The following SYNE2 variants were observed in gnomAD, a reference collection of about 807,000 sequenced individuals.
SYNE2 encodes nesprin-2.
In SYNE2, 431 loss-of-function variants were observed where a neutral mutation model predicts 856.3. That is an observed-to-expected ratio of 0.50 (90% confidence interval 0.47 to 0.55). SYNE2 has a LOEUF of 0.55. SYNE2 is among the 20% of genes least tolerant of loss of function. The pLI, the probability that SYNE2 is intolerant of heterozygous loss-of-function variation, is 0.00. For missense variants in SYNE2, 8,129 were observed against 8,023.2 expected (o/e 1.01, Z -0.50); for synonymous variants, 2,923 against 2,872.3 (o/e 1.02, Z -0.56).
At chr14:64,014,915 T>C (rs1263688761) in intron 32 of SYNE2, among the ~76,000 whole-genome samples, 1 of 135,662 alleles carries the variant, frequency 7.4e-6, no homozygotes. Flanking sequence ...TATTTGGTCA[T>C]GGTGTATAAT....
intron 64 of SYNE2, among the ~76,000 whole-genome samples, chr14:64,106,049 CAAA>C (rs549854082): frequency 7.6e-5 from 7 of 92,278 alleles, no homozygotes; most frequent in Admixed American, 1.3e-4. Flanking sequence ...GGCCCTGTCT[CAAA>C]AAAAAAAAAA....
intron 49 of SYNE2, among the ~76,000 whole-genome samples, chr14:64,060,696 T>C (rs1190145470): frequency 1.3e-5 from 2 of 152,048 alleles, no homozygotes; most frequent in Non-Finnish European, 2.9e-5. Flanking sequence ...CTGGCTCTGA[T>C]TGTAGCACAG....
At chr14:63,909,650 T>C (rs2095449173) in intron 2 of SYNE2, among the ~76,000 whole-genome samples, 1 of 152,188 alleles carries the variant, frequency 6.6e-6, no homozygotes, top group African/African-American at 2.4e-5. Flanking sequence ...GAGACCAGCC[T>C]GACCAACATG....
Position 64,210,061 on chromosome 14 carries a change from C to G in SYNE2, c.18660C>G (p.His6220Gln). 6.2e-7 allele frequency: 1 copy of G among 1,614,108 alleles called. No individual in the cohort carries two copies. Among genetic ancestry groups the G allele is most frequent in the Non-Finnish European group, 8.5e-7 (1 of 1,180,038 alleles). Reference sequence around the variant, plus strand: ...CCAGCAGGCTGAAGCAGATGGTCCACGAGGGCAACCAGCGCTGGGACAACC... The same window carrying G: ...CCAGCAGGCTGAAGCAGATGGTCCAGGAGGGCAACCAGCGCTGGGACAACC... ...DTASRLKQMV[H>Q]EGNQRWDNLQ... The change falls in exon 103 of 116, where the codon CAC (histidine) becomes CAG (glutamine). Residue 6220 changes from histidine to glutamine, a missense_variant. By Grantham distance (24) the His-to-Gln change is conservative. Transcript: ENST00000555002.
chr14:64,084,387 G>T (rs1483380247), intron 57 of SYNE2: 1 of 152,302 alleles, frequency 6.6e-6, no homozygotes, highest in Non-Finnish European at 1.5e-5. Context: ...GTTTCCTCCT[G>T]CCTCTTTGCA....
At position 63,998,993 on chromosome 14, in the gene SYNE2, G is replaced by A. The variant is rs370812332; in HGVS notation, c.3433G>A (p.Glu1145Lys). The A allele has an allele frequency of 6.2e-7, 1 of 1,614,068 alleles. No homozygotes were observed. Among genetic ancestry groups the A allele is most frequent in the Non-Finnish European group, 8.5e-7 (1 of 1,179,916 alleles). Residue 1145 changes from glutamate (E) to lysine (K), a missense_variant, in exon 27 of 116, where the codon GAG (glutamate) becomes AAG (lysine). Physicochemically the swap from Glu to Lys is moderately conservative, Grantham distance 56 (BLOSUM62 1). Around this residue, in one of 3 missense-constraint regions of SYNE2, gnomAD observed 2,422 missense variants for 2,357.4 expected, o/e 1.03. Coordinates refer to ENST00000555002, the MANE Select transcript of SYNE2 (RefSeq NM_182914.3). ...FRITSDFSSE[E>K]DRSSSCLQAK... is the part of the protein sequence containing the mutation. ...GATTACTTCTGATTTCTCTAGTGAA[G>A]AGGACAGGAGTAGTTCTTGTCTGCA...
chr14:64,175,168 G>A (rs1046241009), intron 95 of SYNE2, 30 bp downstream of exon 95: 43 of 1,611,588 alleles, frequency 2.7e-5, no homozygotes, highest in Non-Finnish European at 3.6e-5. Flanking sequence ...TTCCATTCAT[G>A]ATATTCAAAT....
At chr14:63,940,070 A>ATTTTTTTTTT (rs10666086) in intron 2 of SYNE2, among the ~76,000 whole-genome samples, 5 of 129,400 alleles carry the variant, frequency 3.9e-5, no homozygotes, top group Non-Finnish European at 3.2e-5. Flanking sequence ...GTCTCAGTTC[A>ATTTTTTTTTT]TTTTTTTTTT....
chr14:64,035,512 T>G (rs2097080030), intron 45 of SYNE2, among the ~76,000 whole-genome samples: 1 of 107,614 alleles, frequency 9.3e-6, no homozygotes, highest in Admixed American at 1.3e-4. Flanking sequence ...ACTTACATGG[T>G]ACATTTTTTT....
Position 64,126,730 on chromosome 14 carries a change from C to G in SYNE2, c.13840C>G (p.Leu4614Val), listed in dbSNP as rs752726984. Residue 4614 changes from leucine (L) to valine (V), a missense_variant, in exon 73 of 116, where the codon CTG becomes GTG. By Grantham distance (32) the Leu-to-Val change is conservative. Around this residue, in one of 3 missense-constraint regions of SYNE2, gnomAD observed 5,410 missense variants for 5,284.8 expected, o/e 1.02. Transcript: ENST00000555002. Reference sequence around the variant, plus strand: ...ATGTTTTGACAACCTTCAAGTCTGCCTGGAGCACACTCAGGCTGCAGCTGT... The same window carrying G: ...ATGTTTTGACAACCTTCAAGTCTGCGTGGAGCACACTCAGGCTGCAGCTGT... ...LECFDNLQVC[L>V]EHTQAAAVCR... 2.0e-5 allele frequency: 32 copies of G among 1,614,058 alleles called. No individual in the cohort carries two copies. The highest frequency in any genetic ancestry group is 2.5e-5 in the Non-Finnish European group (30 of 1,180,034).
rs1414296247 is a variant in SYNE2, at chr14:63,929,990, T to A, written c.80-10624T>A. On this transcript the variant is annotated intron_variant, in intron 2 of 115. Transcript: ENST00000555002. ...CATGATTATGGTTTGGATTTTAAAA[T>A]ACAATGAGATGGGGTCAGACATGGT... Among the ~76,000 whole-genome samples, 4 of 152,146 alleles carry A rather than the reference T, an allele frequency of 2.6e-5. No homozygotes were observed. In the East Asian group the frequency reaches 7.8e-4, roughly 29 times the overall value.
chr14:64,150,765 A>T (rs1407437663), intron 84 of SYNE2, among the ~76,000 whole-genome samples: 1 of 152,226 alleles, frequency 6.6e-6, no homozygotes, highest in Non-Finnish European at 1.5e-5. Context: ...AACTTTGCAG[A>T]TGAAAAAAGT....
rs1309827873 is a variant in SYNE2 at position 64,170,468 on chromosome 14, G to GT, written c.17235+7dup. 1 of 1,602,684 alleles carries GT rather than the reference G, an allele frequency of 6.2e-7. No homozygotes were observed. The highest frequency in any genetic ancestry group is 1.3e-5 in the African/African-American group (1 of 74,696). ...GTCTGATCCATGAGCTGAAGGTAGTGTATGCATCGTAGCAGTGTGAGAACC... is the reference window on the plus strand; with the variant it reads ...GTCTGATCCATGAGCTGAAGGTAGTGTTATGCATCGTAGCAGTGTGAGAACC... On this transcript the variant is annotated splice_region_variant and intron_variant, in intron 94 of 115. Transcript: ENST00000555002.
chr14:64,050,420 A>G (rs964316344), intron 47 of SYNE2, among the ~76,000 whole-genome samples: 1 of 152,252 alleles, frequency 6.6e-6, no homozygotes, highest in East Asian at 1.9e-4. Flanking sequence ...AATAATTTAT[A>G]TAATTGAATA....
chr14:63,956,312 G>T (rs149152885), intron 8 of SYNE2: 1 of 432,042 alleles, frequency 2.3e-6, no homozygotes, highest in East Asian at 7.0e-5. Context: ...ATAGTTAATA[G>T]TAAAATGTAA....
intron 76 of SYNE2, among the ~76,000 whole-genome samples, chr14:64,130,751 G>A (rs574373943): frequency 5.3e-5 from 8 of 152,038 alleles, no homozygotes; most frequent in Non-Finnish European, 1.0e-4. Context: ...TGGGTATGGT[G>A]GCAGGCACCT....
chr14:64,056,274 C>T lies in SYNE2; in HGVS notation c.10067+8C>T. The T allele has an allele frequency of 6.2e-7, 1 of 1,610,580 alleles. No homozygotes were observed. The highest frequency in any genetic ancestry group is 8.5e-7 in the Non-Finnish European group (1 of 1,177,104). On this transcript the variant is annotated splice_region_variant and intron_variant, in intron 49 of 115. Coordinates refer to ENST00000555002, the MANE Select transcript of SYNE2 (RefSeq NM_182914.3). Reference sequence around the variant, plus strand: ...GGAAACTGAGGCAGAAAGGTAGGTCCTCTTCCAAAGGTAATCTTTAAGAAC... The same window carrying T: ...GGAAACTGAGGCAGAAAGGTAGGTCTTCTTCCAAAGGTAATCTTTAAGAAC...
At chr14:63,986,391 A>T in intron 18 of SYNE2, 65 bp from the exon 19 acceptor site, 1 of 1,582,242 alleles carries the variant, frequency 6.3e-7, no homozygotes. Context: ...TAACTTTTTG[A>T]AAAGGAAAAT....
chr14:63,910,645 C>G (rs1437278498), intron 2 of SYNE2, among the ~76,000 whole-genome samples: 1 of 152,162 alleles, frequency 6.6e-6, no homozygotes, highest in Non-Finnish European at 1.5e-5. Context: ...GTAATGCTGG[C>G]TCTGCCAGTC....
Sources: allele counts gnomAD v4.1 joint callset (sites outside exome capture counted in the v4.1 genomes callset), GRCh38; gene constraint gnomAD v4.1.1; regional missense constraint gnomAD v4.1.1; transcripts MANE v1.5; gene names NCBI Gene and HGNC (gene_info 2026-07-23, HGNC 2026-07-21).